Variants in GABRG3 observed in about 807,000 individuals in gnomAD.
GABRG3 encodes gamma-aminobutyric acid type A receptor subunit gamma3, also known as gamma-aminobutyric acid receptor subunit gamma-3.
In GABRG3, 25 loss-of-function variants were observed where a neutral mutation model predicts 48.8. That is an observed-to-expected ratio of 0.51 (90% confidence interval 0.37 to 0.72). The LOEUF (loss-of-function observed/expected upper bound fraction) is 0.72. GABRG3 is among the 30% of genes least tolerant of loss of function. The pLI is 0.00. For synonymous variants in GABRG3, 227 were observed against 217.6 expected, an observed-to-expected ratio of 1.04 and a Z score of -0.38; for missense variants, 394 against 577.9, an observed-to-expected ratio of 0.68 and a Z score of 3.26.
intron 3 of GABRG3, among the ~76,000 whole-genome samples, chr15:27,076,616 G>C (rs1039507681): frequency 6.6e-6 from 1 of 152,126 alleles, no homozygotes; most frequent in African/African-American, 2.4e-5. Flanking sequence ...GAGCCACCGT[G>C]CCCGGTGAGC....
rs533518478 is a variant in GABRG3, at chr15:27,532,935, C to T, written c.*54C>T. On this transcript the variant is annotated 3_prime_UTR_variant, in exon 10 of 10. Coordinates refer to ENST00000615808, the MANE Select transcript of GABRG3 (RefSeq NM_033223.5). ...ATTTGGTACACACTTGACCTTCTGTCGTCCCCAGACCAGTAGTGACCAATC... is the reference window on the plus strand; with the variant it reads ...ATTTGGTACACACTTGACCTTCTGTTGTCCCCAGACCAGTAGTGACCAATC... 17 of 1,557,364 alleles carry T rather than the reference C, an allele frequency of 1.1e-5. No homozygotes were observed. Among genetic ancestry groups the T allele is most frequent in the Admixed American group, 8.6e-5 (5 of 57,966 alleles).
At chr15:27,106,785 C>G (rs1408922607) in intron 3 of GABRG3, among the ~76,000 whole-genome samples, 1 of 151,936 alleles carries the variant, frequency 6.6e-6, no homozygotes, top group East Asian at 1.9e-4. Flanking sequence ...AAGGAACACT[C>G]TGAATAATTT....
chr15:27,463,065 A>G (rs868468823), intron 5 of GABRG3, among the ~76,000 whole-genome samples: 1 of 152,178 alleles, frequency 6.6e-6, no homozygotes, highest in Middle Eastern at 3.2e-3. Flanking sequence ...ATCTTGAAAA[A>G]ATAATGCATG....
rs573215806 is a variant in GABRG3 at position 27,301,804 on chromosome 15, A to T, written c.271-25005A>T. Among the ~76,000 whole-genome samples the T allele has an allele frequency of 2.2e-4, 33 of 152,264 alleles. 1 individual carries two copies. In the South Asian group the frequency reaches 6.2e-3, roughly 29 times the overall value. On this transcript the variant is annotated intron_variant, in intron 3 of 9. Transcript: ENST00000615808. ...TTCCATATTACATTTTTTACAAAAA[A>T]TATAAAAGCAGTCAGATAAAAATGA...
At chr15:27,000,024 A>C (rs1895413900) in intron 2 of GABRG3, among the ~76,000 whole-genome samples, 1 of 152,168 alleles carries the variant, frequency 6.6e-6, no homozygotes, top group South Asian at 2.1e-4. Context: ...TTTTTTCAAC[A>C]TATGGAATAC....
At chr15:27,345,028 A>G (rs1297625652) in intron 5 of GABRG3, among the ~76,000 whole-genome samples, 2 of 152,084 alleles carry the variant, frequency 1.3e-5, no homozygotes, top group African/African-American at 4.8e-5. Flanking sequence ...CTTACTTTTG[A>G]TTAGTGTTAG....
chr15:27,062,905 T>G (rs765968912), intron 3 of GABRG3, among the ~76,000 whole-genome samples: 1 of 152,190 alleles, frequency 6.6e-6, no homozygotes, highest in Non-Finnish European at 1.5e-5. Flanking sequence ...ATTTGTAAAA[T>G]AAGTGGATTT....
chr15:27,068,634 G>A (rs948532262), intron 3 of GABRG3, among the ~76,000 whole-genome samples: 1 of 152,236 alleles, frequency 6.6e-6, no homozygotes, highest in African/African-American at 2.4e-5. Flanking sequence ...GGTGAATTCA[G>A]AGCTGAGAGG....
chr15:27,412,362 C>T (rs1595737530), intron 5 of GABRG3, among the ~76,000 whole-genome samples: 1 of 152,166 alleles, frequency 6.6e-6, no homozygotes, highest in East Asian at 1.9e-4. Context: ...GTCCTTGACC[C>T]CTGGAAATCA....
chr15:27,169,166 A>G (rs1156246908), intron 3 of GABRG3, among the ~76,000 whole-genome samples: 1 of 152,230 alleles, frequency 6.6e-6, no homozygotes, highest in Non-Finnish European at 1.5e-5. Context: ...ATACTTGTAG[A>G]TATTGGTCAG....
intron 3 of GABRG3, among the ~76,000 whole-genome samples, chr15:27,254,318 A>G (rs1024937777): frequency 6.6e-6 from 1 of 152,138 alleles, no homozygotes; most frequent in African/African-American, 2.4e-5. Flanking sequence ...GAGAAGGCGC[A>G]GGGGAGAGAT....
intron 3 of GABRG3, among the ~76,000 whole-genome samples, chr15:27,265,803 T>C (rs933237026): frequency 6.6e-6 from 1 of 152,142 alleles, no homozygotes; most frequent in East Asian, 1.9e-4. Flanking sequence ...TATCAATTGT[T>C]TTCTTTTCAT....
intron 1 of GABRG3, among the ~76,000 whole-genome samples, chr15:26,972,353 G>A (rs1894863502): frequency 6.6e-6 from 1 of 152,204 alleles, no homozygotes; most frequent in Non-Finnish European, 1.5e-5. Flanking sequence ...GATGAAGAGG[G>A]CGCATGAGGA....
chr15:27,134,603 C>T (rs1452617776), intron 3 of GABRG3, among the ~76,000 whole-genome samples: 6 of 152,158 alleles, frequency 3.9e-5, no homozygotes, highest in African/African-American at 1.4e-4. Context: ...CCCGGCTTCT[C>T]CTTTCACTTC....
chr15:27,240,986 T>A (rs1343023930), intron 3 of GABRG3, among the ~76,000 whole-genome samples: 1 of 152,194 alleles, frequency 6.6e-6, no homozygotes, highest in Non-Finnish European at 1.5e-5. Flanking sequence ...TGAAACAAGA[T>A]AAAGCCCTAC....
At chr15:27,107,200 T>C (rs1157404942) in intron 3 of GABRG3, among the ~76,000 whole-genome samples, 2 of 152,106 alleles carry the variant, frequency 1.3e-5, no homozygotes, top group African/African-American at 4.8e-5. Flanking sequence ...AGGATTTTTA[T>C]ATATTACTTT....
intron 3 of GABRG3, among the ~76,000 whole-genome samples, chr15:27,087,510 T>C (rs2140750566): frequency 6.6e-6 from 1 of 152,246 alleles, no homozygotes; most frequent in East Asian, 1.9e-4. Context: ...AAAAAGGACA[T>C]GTGAACATGC....
intron 3 of GABRG3, among the ~76,000 whole-genome samples, chr15:27,229,122 G>T (rs1889715522): frequency 6.6e-6 from 1 of 152,110 alleles, no homozygotes; most frequent in African/African-American, 2.4e-5. Context: ...TGGTGTCTTT[G>T]TCACGAACTT....
intron 2 of GABRG3, among the ~76,000 whole-genome samples, chr15:26,987,282 C>T (rs183452486): frequency 1.3e-3 from 203 of 152,326 alleles, no homozygotes; most frequent in Middle Eastern, 6.8e-3. Context: ...CACAGTGCTT[C>T]GGCTTCTGTT....
Sources: allele counts gnomAD v4.1 joint callset (sites outside exome capture counted in the v4.1 genomes callset), GRCh38; gene constraint gnomAD v4.1.1; transcripts MANE v1.5; gene names NCBI Gene and HGNC (gene_info 2026-07-23, HGNC 2026-07-21).